The following FRMD5 variants were observed in gnomAD, a reference collection of about 807,000 sequenced individuals.
The protein encoded by FRMD5 is FERM domain-containing protein 5.
FRMD5 carries 20 observed loss-of-function variants against 69.0 expected under a neutral mutation model. The observed-to-expected ratio is 0.29, with a 90% CI of 0.20 to 0.42. The LOEUF is 0.42. Ranked by LOEUF, FRMD5 falls within the 10% of genes least tolerant of loss-of-function variation. FRMD5 has a pLI of 1.00. For synonymous variants in FRMD5, 271 were observed against 260.1 expected (o/e 1.04, Z -0.40); for missense variants, 595 against 708.6 (o/e 0.84, Z 1.82).
At chr15:43,884,551 CTTA>C (rs1567209134) in intron 12 of FRMD5, among the ~76,000 whole-genome samples, 173 bp downstream of exon 12, 1 of 152,194 alleles carries the variant, frequency 6.6e-6, no homozygotes. Flanking sequence ...CCCCAGCTCT[CTTA>C]TTAAGGGTCA....
intron 1 of FRMD5, among the ~76,000 whole-genome samples, chr15:44,070,139 G>C (rs1893477277): frequency 6.6e-6 from 1 of 151,984 alleles, no homozygotes; most frequent in South Asian, 2.1e-4. Context: ...GAATGTGATG[G>C]CATAAGTGCC....
chr15:43,975,728 A>C (rs1011911543), intron 1 of FRMD5, among the ~76,000 whole-genome samples: 3 of 152,230 alleles, frequency 2.0e-5, no homozygotes, highest in Non-Finnish European at 4.4e-5. Flanking sequence ...TGCAATCTCA[A>C]TTAAAATCCC....
In FRMD5 at chr15:43,873,961, T is replaced by C. The variant is rs1006096376; in HGVS notation, c.1637A>G (p.Tyr546Cys). The change falls in exon 14 of 14, where the codon TAT becomes TGT. Residue 546 changes from tyrosine (Y) to cysteine (C), a missense_variant. Physicochemically the swap from Tyr to Cys is radical, Grantham distance 194 (BLOSUM62 -2). Around this residue, in one of 5 missense-constraint regions of FRMD5, gnomAD observed 245 missense variants for 227.1 expected, o/e 1.08. Transcript: ENST00000417257. ...TCGCCTGAGGGGACAAAAGTATTGA[T>C]AGTGGAATTGTTCAAACTCGGGGGT... ...RQTPEFEQFHYQYFCPLRRWF... is the reference protein window; with the variant it reads ...RQTPEFEQFHCQYFCPLRRWF... The C allele has an allele frequency of 1.9e-6, 3 of 1,614,138 alleles. No individual in the cohort carries two copies. Among genetic ancestry groups the C allele is most frequent in the African/African-American group, 2.7e-5 (2 of 75,030 alleles).
intron 1 of FRMD5, among the ~76,000 whole-genome samples, chr15:44,057,339 C>A (rs1318078047): frequency 1.3e-5 from 2 of 152,104 alleles, no homozygotes; most frequent in Non-Finnish European, 2.9e-5. Context: ...CTCCTGACCT[C>A]AAGTGATCCA....
At chr15:43,884,285 T>C (rs2088608973) in intron 12 of FRMD5, among the ~76,000 whole-genome samples, 1 of 152,082 alleles carries the variant, frequency 6.6e-6, no homozygotes. Flanking sequence ...TCTTTCTGGG[T>C]CTTAGATTCT....
chr15:43,891,847 A>AC, intron 8 of FRMD5, 134 bp downstream of exon 8: 1 of 696,604 alleles, frequency 1.4e-6, no homozygotes, highest in Non-Finnish European at 2.6e-6. Context: ...TTCGTCAGTT[A>AC]CCACCATCAA....
At chr15:44,189,057 T>C (rs1407017382) in intron 1 of FRMD5, among the ~76,000 whole-genome samples, 1 of 152,194 alleles carries the variant, frequency 6.6e-6, no homozygotes, top group Non-Finnish European at 1.5e-5. Flanking sequence ...TATTTTGCCT[T>C]CATGAGCATG....
chr15:44,011,627 G>A (rs1475617258), intron 1 of FRMD5, among the ~76,000 whole-genome samples: 1 of 152,160 alleles, frequency 6.6e-6, no homozygotes, highest in Non-Finnish European at 1.5e-5. Flanking sequence ...ATGAGCTGAT[G>A]CCATGAAAGT....
chr15:44,065,074 G>A (rs1893252893), intron 1 of FRMD5, among the ~76,000 whole-genome samples: 1 of 152,184 alleles, frequency 6.6e-6, no homozygotes, highest in Non-Finnish European at 1.5e-5. Context: ...TCCAATCTTG[G>A]CTCAGCCACC....
At chr15:43,899,526 C>G (rs1424109142) in intron 7 of FRMD5, among the ~76,000 whole-genome samples, 3 of 152,292 alleles carry the variant, frequency 2.0e-5, no homozygotes, top group African/African-American at 7.2e-5. Context: ...GTCTTCTTAT[C>G]TATAAAACAG....
intron 1 of FRMD5, among the ~76,000 whole-genome samples, chr15:43,938,822 A>AT (rs531734432): frequency 5.9e-5 from 9 of 151,694 alleles, no homozygotes; most frequent in South Asian, 4.2e-4. Context: ...TTCTTTTTAG[A>AT]TTTTTTTTTC....
chr15:44,149,370 C>T (rs1235961952), intron 1 of FRMD5, among the ~76,000 whole-genome samples: 1 of 151,808 alleles, frequency 6.6e-6, no homozygotes, highest in African/African-American at 2.4e-5. Flanking sequence ...ATTTTTAAAA[C>T]TATAATATAT....
At chr15:44,057,975 T>C (rs1892938903) in intron 1 of FRMD5, among the ~76,000 whole-genome samples, 1 of 152,178 alleles carries the variant, frequency 6.6e-6, no homozygotes, top group Non-Finnish European at 1.5e-5. Flanking sequence ...ACCACATCCA[T>C]AGTTTGGATC....
At position 44,133,220 on chromosome 15, in the gene FRMD5, A is replaced by G. The variant is rs557959394; in HGVS notation, c.102+61733T>C. 3.7e-4 allele frequency among the ~76,000 whole-genome samples: 56 copies of G among 151,722 alleles called. 1 individual carries two copies. The highest frequency in any genetic ancestry group is 3.3e-4 in the Admixed American group (5 of 15,260). ...ACTGCGAGACTCCGTCTCAAAAAAA[A>G]AAATCAAAACAAAACAAAAAAATGA... On this transcript the variant is annotated intron_variant, in intron 1 of 13. Transcript: ENST00000417257.
intron 1 of FRMD5, among the ~76,000 whole-genome samples, chr15:44,142,199 C>T (rs770961374): frequency 1.1e-4 from 16 of 152,166 alleles, no homozygotes; most frequent in Admixed American, 7.9e-4. Context: ...TAATACTGAT[C>T]CACTTAATTA....
chr15:44,126,265 A>G (rs1409554086), intron 1 of FRMD5, among the ~76,000 whole-genome samples: 3 of 152,236 alleles, frequency 2.0e-5, no homozygotes. Flanking sequence ...TTTGAAATCC[A>G]GGCACTTCAA....
chr15:43,936,231 G>C (rs2089758441), intron 1 of FRMD5, among the ~76,000 whole-genome samples: 1 of 152,136 alleles, frequency 6.6e-6, no homozygotes, highest in African/African-American at 2.4e-5. Context: ...CTGTTGCTGA[G>C]GCTCAGGCTG....
At chr15:44,191,940 A>ATATGTG (rs2078204066) in intron 1 of FRMD5, among the ~76,000 whole-genome samples, 4 of 134,180 alleles carry the variant, frequency 3.0e-5, no homozygotes, top group African/African-American at 1.1e-4. Flanking sequence ...ATATATATAT[A>ATATGTG]TGTATCTCCA....
At chr15:44,093,813 C>G (rs1205776839) in intron 1 of FRMD5, among the ~76,000 whole-genome samples, 1 of 152,030 alleles carries the variant, frequency 6.6e-6, no homozygotes, top group Non-Finnish European at 1.5e-5. Context: ...ATGTTGTGAT[C>G]CGCCTGTCTC....
Sources: allele counts gnomAD v4.1 joint callset (sites outside exome capture counted in the v4.1 genomes callset), GRCh38; gene constraint gnomAD v4.1.1; regional missense constraint gnomAD v4.1.1; transcripts MANE v1.5; gene names NCBI Gene and HGNC (gene_info 2026-07-23, HGNC 2026-07-21).